ANK1: variants seen among roughly 807,000 people sequenced by gnomAD.
ANK1 encodes ankyrin-1.
Under a neutral mutation model 210.4 loss-of-function variants are expected in ANK1, and 51 were observed. The observed-to-expected ratio is 0.24, with a 90% CI of 0.19 to 0.31. The LOEUF is 0.31. Ranked by LOEUF, ANK1 falls within the 10% of genes least tolerant of loss-of-function variation. ANK1 has a pLI of 1.00. For missense variants in ANK1, 2,051 were observed against 2,504.4 expected (o/e 0.82, Z 3.86); for synonymous variants, 967 against 1,025.9 (o/e 0.94, Z 1.10).
At chr8:41,690,145 A>G in intron 33 of ANK1, 82 bp downstream of exon 33, 1 of 1,596,216 alleles carries the variant, frequency 6.3e-7, no homozygotes, top group Non-Finnish European at 8.6e-7. Flanking sequence ...GCCCCTTGGA[A>G]GTGCTGGACC....
At chr8:41,751,627 G>A (rs1837719838) in intron 2 of ANK1, among the ~76,000 whole-genome samples, 2 of 152,100 alleles carry the variant, frequency 1.3e-5, no homozygotes, top group African/African-American at 4.8e-5. Context: ...CACATCTGGG[G>A]TGATGACACT....
intron 1 of ANK1, among the ~76,000 whole-genome samples, chr8:41,813,818 T>C (rs562601248): frequency 4.6e-5 from 7 of 152,302 alleles, no homozygotes; most frequent in Admixed American, 1.3e-4. Context: ...TGCCAAGAAG[T>C]GACATTCCTT....
chr8:41,702,075 C>T lies in ANK1; in HGVS notation c.2365G>A (p.Val789Ile). Residue 789 changes from valine (V) to isoleucine (I), a missense_variant, in exon 21 of 43, where the codon GTC (valine) becomes ATC (isoleucine). By Grantham distance (29) the Val-to-Ile change is conservative (BLOSUM62 3). This residue lies in a region of ANK1 where 1,413 missense variants were observed against 1,707.4 expected (regional missense o/e 0.83). Transcript: ENST00000289734. ...YISVTDVLKVVTDETSFVLVS... is the reference protein window; with the variant it reads ...YISVTDVLKVITDETSFVLVS... ...ACCACGAAACTGGTTTCATCCGTGA[C>T]GACCTTGAGCACGTCGGTGACAGAA... 6.2e-7 allele frequency: 1 copy of T among 1,614,208 alleles called. No individual in the cohort carries two copies. The highest frequency in any genetic ancestry group is 8.5e-7 in the Non-Finnish European group (1 of 1,180,038).
At chr8:41,700,387 A>T (rs1264976372) in intron 22 of ANK1, 3 of 1,595,170 alleles carry the variant, frequency 1.9e-6, no homozygotes, top group Non-Finnish European at 2.6e-6. Context: ...GGTGAAATGC[A>T]CTCTAGTGAG....
intron 4 of ANK1, 51 bp from the exon 5 acceptor site, chr8:41,727,399 G>C (rs368314502): frequency 1.5e-6 from 2 of 1,302,848 alleles, no homozygotes; most frequent in South Asian, 2.4e-5. Flanking sequence ...TTTAAGAAAG[G>C]CCTACACCAG....
chr8:41,798,234 G>C (rs938791012), upstream of ANK1, among the ~76,000 whole-genome samples: 11 of 152,154 alleles, frequency 7.2e-5, no homozygotes, highest in Middle Eastern at 6.8e-3. Flanking sequence ...CTCCAAGGCC[G>C]GGGAGCCTCC....
chr8:41,777,904 G>A (rs187583996), intron 1 of ANK1, among the ~76,000 whole-genome samples: 23 of 152,198 alleles, frequency 1.5e-4, no homozygotes, highest in African/African-American at 4.8e-4. Context: ...TTTAGCCTTC[G>A]GAGAGAGACA....
chr8:41,761,375 AC>A (rs1563694859), intron 1 of ANK1, among the ~76,000 whole-genome samples: 5 of 95,402 alleles, frequency 5.2e-5, no homozygotes, highest in African/African-American at 2.0e-4. Context: ...CTGTGTGCAC[AC>A]ACACACACAC....
intron 16 of ANK1, among the ~76,000 whole-genome samples, chr8:41,712,907 A>AAGT (rs1280770881): frequency 2.6e-5 from 4 of 152,164 alleles, no homozygotes; most frequent in African/African-American, 9.7e-5. Flanking sequence ...AGGCAGGAGT[A>AAGT]AGTCGACATC....
intron 1 of ANK1, among the ~76,000 whole-genome samples, chr8:41,833,600 C>T (rs1807079474): frequency 1.3e-5 from 2 of 152,142 alleles, no homozygotes; most frequent in Non-Finnish European, 2.9e-5. Context: ...GAATGGTCAC[C>T]GTACAAGTCT....
At chr8:41,884,943 G>C (rs971737069) in intron 1 of ANK1, among the ~76,000 whole-genome samples, 1 of 152,162 alleles carries the variant, frequency 6.6e-6, no homozygotes, top group African/African-American at 2.4e-5. Context: ...CTAGGAGCAC[G>C]GGGAGGCTTG....
intron 1 of ANK1, chr8:41,803,525 CTTCTT>C: frequency 6.6e-6 from 1 of 152,060 alleles, no homozygotes; most frequent in East Asian, 1.9e-4. Flanking sequence ...ATTTTGTTCT[CTTCTT>C]TTACAGTTTT....
chr8:41,686,338 G>A lies in ANK1; in HGVS notation c.4259-55C>T, dbSNP rs537221107. On this transcript the variant is annotated intron_variant, in intron 35 of 42. Coordinates refer to ENST00000289734, the MANE Select transcript of ANK1 (RefSeq NM_000037.4). ...AGCCTCCAGCTCACCAACAGCAGGGGGCCTCCAGCACACAGGCTGGGTGGG... is the reference window on the plus strand; with the variant it reads ...AGCCTCCAGCTCACCAACAGCAGGGAGCCTCCAGCACACAGGCTGGGTGGG... 9 of 1,610,784 alleles carry A rather than the reference G, an allele frequency of 5.6e-6. No individual in the cohort carries two copies. The African/African-American group carries it at 9.3e-5, about 17-fold the overall frequency.
chr8:41,731,250 A>G (rs1306218523), intron 3 of ANK1, among the ~76,000 whole-genome samples: 1 of 152,198 alleles, frequency 6.6e-6, no homozygotes, highest in African/African-American at 2.4e-5. Context: ...GCCTCAAAGG[A>G]GCAGGAAAAA....
intron 1 of ANK1, among the ~76,000 whole-genome samples, chr8:41,810,263 G>C (rs1485420792): frequency 6.6e-6 from 1 of 152,200 alleles, no homozygotes; most frequent in East Asian, 1.9e-4. Flanking sequence ...GGTGGCGCTG[G>C]GGGAGGAAAG....
intron 22 of ANK1, among the ~76,000 whole-genome samples, chr8:41,701,155 C>T (rs1822666815): frequency 6.6e-6 from 1 of 152,202 alleles, no homozygotes; most frequent in Admixed American, 6.5e-5. Flanking sequence ...AAGGCATGCT[C>T]ACAGATTTTG....
At chr8:41,772,177 A>T (rs776291748) in intron 1 of ANK1, among the ~76,000 whole-genome samples, 6 of 152,222 alleles carry the variant, frequency 3.9e-5, no homozygotes, top group African/African-American at 7.2e-5. Context: ...ACTCAAACCC[A>T]GAACTCAATA....
At chr8:41,782,572 C>T (rs78858265) in intron 1 of ANK1, among the ~76,000 whole-genome samples, 3,436 of 152,294 alleles carry the variant, frequency 0.023, 47 homozygotes, top group South Asian at 0.03. Context: ...TAGAGCCCTC[C>T]GTGCCCCCAG....
chr8:41,788,799 C>T (rs1388795725), intron 1 of ANK1: 2 of 152,194 alleles, frequency 1.3e-5, no homozygotes, highest in Non-Finnish European at 2.9e-5. Context: ...CACTTTCCTA[C>T]TCAGAAAGCT....
Sources: gnomAD v4.1 joint callset for allele counts (sites outside exome capture counted in the v4.1 genomes callset) on GRCh38, gnomAD v4.1.1 for gene constraint, gnomAD v4.1.1 regional missense constraint, MANE v1.5 for transcripts, NCBI Gene and HGNC (gene_info 2026-07-23, HGNC 2026-07-21) for gene names.